Variants in FAM184B observed in about 807,000 individuals in gnomAD.
FAM184B encodes the protein protein FAM184B.
FAM184B carries 111 observed loss-of-function variants against 135.9 expected under a neutral mutation model. That is an observed-to-expected ratio of 0.82 (90% confidence interval 0.70 to 0.96). The LOEUF is 0.96. Among genes scored for constraint, FAM184B ranks in the 40% least tolerant of loss-of-function variants. The pLI is 0.00. For synonymous variants in FAM184B, 552 were observed against 524.8 expected, an observed-to-expected ratio of 1.05 and a Z score of -0.71; for missense variants, 1,375 against 1,323.9, an observed-to-expected ratio of 1.04 and a Z score of -0.60.
intron 1 of FAM184B, among the ~76,000 whole-genome samples, chr4:17,748,723 C>T (rs756135815): frequency 2.0e-5 from 3 of 151,860 alleles, no homozygotes; most frequent in Non-Finnish European, 2.9e-5. Context: ...TATTATATTG[C>T]CCAGGCTTGT....
Position 17,636,512 on chromosome 4 carries a change from C to T in FAM184B, c.2784+16G>A, listed in dbSNP as rs777286657. ...CCGGCCAGGTGCGTGGGTGAGGCGC[C>T]CCCTGACAGCCTCACCGTGAGCTGC... On this transcript the variant is annotated intron_variant, in intron 15 of 17. Coordinates refer to ENST00000265018, the MANE Select transcript of FAM184B (RefSeq NM_015688.2). The T allele has an allele frequency of 9.1e-6, 14 of 1,541,704 alleles. No individual in the cohort carries two copies. In the Admixed American group the frequency reaches 1.6e-4, roughly 17 times the overall value.
At chr4:17,732,491 A>T (rs933941761) in intron 1 of FAM184B, among the ~76,000 whole-genome samples, 1 of 152,226 alleles carries the variant, frequency 6.6e-6, no homozygotes, top group Non-Finnish European at 1.5e-5. Flanking sequence ...GCAATAAAAA[A>T]TGATAAAGGG....
At chr4:17,656,472 G>C (rs912283964) in intron 10 of FAM184B, among the ~76,000 whole-genome samples, 4 of 152,132 alleles carry the variant, frequency 2.6e-5, no homozygotes, top group African/African-American at 9.7e-5. Context: ...TGTGATCTCA[G>C]CTCACAGCAA....
intron 1 of FAM184B, among the ~76,000 whole-genome samples, chr4:17,745,635 C>T (rs1281506787): frequency 6.6e-6 from 1 of 152,198 alleles, no homozygotes; most frequent in African/African-American, 2.4e-5. Context: ...TGCACCCTGC[C>T]TACTCCTGTT....
intron 5 of FAM184B, among the ~76,000 whole-genome samples, chr4:17,693,733 A>G (rs762604054): frequency 4.6e-5 from 7 of 152,214 alleles, no homozygotes; most frequent in Non-Finnish European, 7.3e-5. Flanking sequence ...TCACATAAGT[A>G]AAAAAGCCAA....
chr4:17,776,398 T>G (rs1337140233), intron 1 of FAM184B, among the ~76,000 whole-genome samples: 1 of 152,056 alleles, frequency 6.6e-6, no homozygotes, highest in Non-Finnish European at 1.5e-5. Flanking sequence ...AATTAACAAT[T>G]TTTTTTTGGA....
intron 1 of FAM184B, among the ~76,000 whole-genome samples, chr4:17,720,357 G>A (rs375930504): frequency 4.6e-5 from 7 of 151,968 alleles, no homozygotes; most frequent in African/African-American, 1.7e-4. Flanking sequence ...AATTGCTAAC[G>A]TCAAAAATTT....
chr4:17,676,807 T>C (rs1351255966), intron 7 of FAM184B, among the ~76,000 whole-genome samples: 1 of 12,526 alleles, frequency 8.0e-5, no homozygotes, highest in Non-Finnish European at 2.6e-3. Context: ...GCCCATATAT[T>C]TTGTACAGTA....
intron 12 of FAM184B, among the ~76,000 whole-genome samples, chr4:17,643,142 C>T (rs977063557): frequency 1.1e-4 from 16 of 152,158 alleles, no homozygotes; most frequent in African/African-American, 3.9e-4. Flanking sequence ...AATCCTTGAC[C>T]AATGGAGGAC....
chr4:17,751,823 G>GCACACA (rs3222789), intron 1 of FAM184B, among the ~76,000 whole-genome samples: 10,780 of 115,802 alleles, frequency 0.093, 682 homozygotes, highest in Middle Eastern at 0.15. Flanking sequence ...TAAAAACAAG[G>GCACACA]CACACACACA....
At chr4:17,726,858 C>T (rs1210531706) in intron 1 of FAM184B, among the ~76,000 whole-genome samples, 4 of 152,208 alleles carry the variant, frequency 2.6e-5, no homozygotes, top group Admixed American at 2.6e-4. Context: ...AGCTCCAAAG[C>T]TAACTCTATC....
At chr4:17,637,447 AC>A (rs1452689910) in intron 14 of FAM184B, among the ~76,000 whole-genome samples, 1 of 152,108 alleles carries the variant, frequency 6.6e-6, no homozygotes, top group East Asian at 1.9e-4. Context: ...GGGTGAGATG[AC>A]CCGGCTCTAA....
chr4:17,758,134 AGTTT>A (rs1718463024), intron 1 of FAM184B, among the ~76,000 whole-genome samples: 1 of 152,170 alleles, frequency 6.6e-6, no homozygotes, highest in South Asian at 2.1e-4. Context: ...TCTAGTCTCC[AGTTT>A]GCGAACTGAG....
chr4:17,649,124 G>C (rs1385797281), intron 11 of FAM184B, among the ~76,000 whole-genome samples: 2 of 152,138 alleles, frequency 1.3e-5, no homozygotes, highest in African/African-American at 4.8e-5. Flanking sequence ...TACAGAGCAA[G>C]TGCTCAACAT....
At chr4:17,697,048 T>C (rs1043134928) in intron 5 of FAM184B, among the ~76,000 whole-genome samples, 1 of 152,110 alleles carries the variant, frequency 6.6e-6, no homozygotes, top group Non-Finnish European at 1.5e-5. Context: ...AAGTTTCCAC[T>C]GCAATGAAGA....
intron 1 of FAM184B, among the ~76,000 whole-genome samples, chr4:17,730,116 A>G (rs1476380739): frequency 6.6e-6 from 1 of 152,258 alleles, no homozygotes; most frequent in African/African-American, 2.4e-5. Context: ...TACTTGAAGA[A>G]TGCAGAAGCC....
rs572165522 is a variant in FAM184B at position 17,724,138 on chromosome 4, C to T, written c.142-14494G>A. ...ACACACACACACACACACACACTCA[C>T]ACACACACTCTTACATACACATGCA... On this transcript the variant is annotated intron_variant, in intron 1 of 17. Coordinates refer to ENST00000265018, the MANE Select transcript of FAM184B (RefSeq NM_015688.2). 2.0e-5 allele frequency among the ~76,000 whole-genome samples: 3 copies of T among 152,200 alleles called. No individual in the cohort carries two copies. In the East Asian group the frequency reaches 5.8e-4, roughly 29 times the overall value.
chr4:17,722,872 A>G (rs934315390), intron 1 of FAM184B, among the ~76,000 whole-genome samples: 2 of 152,268 alleles, frequency 1.3e-5, no homozygotes, highest in Admixed American at 6.5e-5. Flanking sequence ...TAAAAACAAT[A>G]CAAAGAAATC....
intron 1 of FAM184B, among the ~76,000 whole-genome samples, chr4:17,764,813 T>C (rs372229864): frequency 1.7e-3 from 250 of 146,958 alleles, no homozygotes; most frequent in African/African-American, 6.5e-3. Context: ...GCCTGTAATC[T>C]CAGCGCTTTG....
Sources: allele counts gnomAD v4.1 joint callset (sites outside exome capture counted in the v4.1 genomes callset), GRCh38; gene constraint gnomAD v4.1.1; transcripts MANE v1.5; gene names NCBI Gene and HGNC (gene_info 2026-07-23, HGNC 2026-07-21).